The following FRS3 variants were observed in gnomAD, a reference collection of about 807,000 sequenced individuals.
The protein encoded by FRS3 is fibroblast growth factor receptor substrate 3.
FRS3 carries 17 observed loss-of-function variants against 41.9 expected under a neutral mutation model. The ratio of observed to expected loss-of-function variants is 0.41; its 90% CI spans 0.28 to 0.61. The LOEUF (loss-of-function observed/expected upper bound fraction) is 0.61, where lower values mean the gene tolerates loss of function less well. FRS3 is among the 20% of genes least tolerant of loss of function. The pLI is 0.36. For synonymous variants in FRS3, 287 were observed against 274.5 expected (o/e 1.05, Z -0.45); for missense variants, 619 against 672.1 (o/e 0.92, Z 0.87).
chr6:41,776,136 G>A (rs1772405561), intron 3 of FRS3, among the ~76,000 whole-genome samples: 1 of 152,188 alleles, frequency 6.6e-6, no homozygotes, highest in African/African-American at 2.4e-5. Context: ...GAGGAAGGAG[G>A]AGGCTCCCTC....
intron 2 of FRS3, among the ~76,000 whole-genome samples, 172 bp from the exon 3 acceptor site, chr6:41,777,182 T>C (rs559411874): frequency 6.6e-6 from 1 of 152,238 alleles, no homozygotes; most frequent in South Asian, 2.1e-4. Flanking sequence ...CAGACACACA[T>C]TGGATAAACG....
chr6:41,772,766 G>GTGTGTGTGTC lies in FRS3; in HGVS notation c.415+31_415+32insGACACACACA, dbSNP rs777217384. Reference sequence around the variant, plus strand: ...TGGGCGTGTGTGTGTGTGTGTGTGTGTGTGTGTGTGTGTACACTGGGGTCT... The same window carrying GTGTGTGTGTC: ...TGGGCGTGTGTGTGTGTGTGTGTGTGTGTGTGTGTCTGTGTGTGTGTGTACACTGGGGTCT... On this transcript the variant is annotated intron_variant, in intron 5 of 6. Transcript: ENST00000373018. 1.9e-6 allele frequency: 3 copies of GTGTGTGTGTC among 1,564,160 alleles called. No homozygotes were observed. The African/African-American group carries it at 4.0e-5, about 21-fold the overall frequency.
chr6:41,772,779 T>TGTGTGTGTGTGTGTGG lies in FRS3; in HGVS notation c.415+18_415+19insCCACACACACACACAC. The TGTGTGTGTGTGTGTGG allele has an allele frequency of 6.3e-7, 1 of 1,581,872 alleles. No homozygotes were observed. The highest frequency in any genetic ancestry group is 2.3e-5 in the East Asian group (1 of 44,330). The stretch of plus-strand genomic sequence containing the variant: ...GTGTGTGTGTGTGTGTGTGTGTGTG[T>TGTGTGTGTGTGTGTGG]ACACTGGGGTCTCCTCACCATTGGG... On this transcript the variant is annotated intron_variant, in intron 5 of 6. Transcript: ENST00000373018.
chr6:41,779,739 CTGCGGCGCGG>C (rs1182776157), intron 1 of FRS3, 67 bp downstream of exon 1: 2 of 22,994 alleles, frequency 8.7e-5, no homozygotes, highest in Non-Finnish European at 1.7e-4. Flanking sequence ...GGAGTGGAGA[CTGCGGCGCGG>C]CGCGGCGCGG....
intron 4 of FRS3, among the ~76,000 whole-genome samples, chr6:41,774,354 G>A (rs1001519293): frequency 1.3e-5 from 2 of 152,082 alleles, no homozygotes; most frequent in African/African-American, 2.4e-5. Flanking sequence ...CCCTCAGATC[G>A]CTGATGACAA....
chr6:41,773,138 T>A (rs902967376), intron 4 of FRS3, among the ~76,000 whole-genome samples, 179 bp from the exon 5 acceptor site: 3 of 152,166 alleles, frequency 2.0e-5, no homozygotes, highest in Non-Finnish European at 4.4e-5. Flanking sequence ...GTTTTGCTCT[T>A]GTTGCCCAGG....
rs371401692 is a variant in FRS3, at chr6:41,775,401, G to A, written c.253+18C>T. On this transcript the variant is annotated intron_variant, in intron 4 of 6. Coordinates refer to ENST00000373018, the MANE Select transcript of FRS3 (RefSeq NM_006653.5). ...GCATAAGCCCCTATCCCAGGGTGGA[G>A]CAGGGCCTGGTACTCACCCTGGCCT... 7.7e-5 allele frequency: 123 copies of A among 1,593,706 alleles called. No individual in the cohort carries two copies. Among genetic ancestry groups the A allele is most frequent in the East Asian group, 2.5e-4 (11 of 44,616 alleles).
In FRS3 at chr6:41,771,414, T is replaced by C. The variant is rs748007549; in HGVS notation, c.684A>G (p.Gln228=). ...GCTGCAAGAACACCTGTGGGTCCCG[T>C]TGGTCAGGTCCCCGGGCCTGCGGGA... ...PFLPQARGPD[Q]RDPQVFLQPG... Residue 228 remains glutamine (Q), a synonymous_variant, in exon 7 of 7, where the codon CAA becomes CAG. Coordinates refer to ENST00000373018, the MANE Select transcript of FRS3 (RefSeq NM_006653.5). 6 of 1,613,482 alleles carry C rather than the reference T, an allele frequency of 3.7e-6. No homozygotes were observed. The highest frequency in any genetic ancestry group is 1.1e-5 in the South Asian group (1 of 90,984).
chr6:41,776,667 C>A, intron 3 of FRS3: 2 of 431,502 alleles, frequency 4.6e-6, no homozygotes, highest in East Asian at 3.6e-5. Flanking sequence ...TAAAAATACA[C>A]TGACAACAGT....
At position 41,771,500 on chromosome 6, in the gene FRS3, C is replaced by T. The variant is rs751765291; in HGVS notation, c.598G>A (p.Asp200Asn). The T allele has an allele frequency of 6.4e-7, 1 of 1,558,714 alleles. No homozygotes were observed. Residue 200 changes from aspartate (D) to asparagine (N), a missense_variant, in exon 7 of 7, where the codon GAT becomes AAT. Around this residue, in one of 3 missense-constraint regions of FRS3, gnomAD observed 487 missense variants for 478.3 expected, o/e 1.02. Coordinates refer to ENST00000373018, the MANE Select transcript of FRS3 (RefSeq NM_006653.5). ...CAGTGGCGGCCCCTGCGGTGGTCATCTTCACTGGCCGGTGTGTTGACATAG... is the reference window on the plus strand; with the variant it reads ...CAGTGGCGGCCCCTGCGGTGGTCATTTTCACTGGCCGGTGTGTTGACATAG... The part of the protein sequence containing the change: ...HTYVNTPASE[D>N]DHRRGRHCLQ...
intron 4 of FRS3, among the ~76,000 whole-genome samples, chr6:41,773,511 A>G (rs1477223097): frequency 1.3e-5 from 2 of 152,134 alleles, no homozygotes; most frequent in Non-Finnish European, 2.9e-5. Context: ...CTCCAGCTAT[A>G]TTGCTCTGAA....
rs1331676404 is a variant in FRS3 at position 41,770,940 on chromosome 6, A to T, written c.1158T>A (p.Phe386Leu). The T allele has an allele frequency of 4.0e-5, 64 of 1,612,534 alleles. No individual in the cohort carries two copies. The highest frequency in any genetic ancestry group is 5.3e-5 in the Non-Finnish European group (62 of 1,179,954). ...TRAAIRSHGS[F>L]PVPLTRRRGS... Reference sequence around the variant, plus strand: ...CGCGGCGGCGGGTCAGTGGCACAGGAAAGCTGCCGTGGCTGCGGATGGCGG... The same window carrying T: ...CGCGGCGGCGGGTCAGTGGCACAGGTAAGCTGCCGTGGCTGCGGATGGCGG... Residue 386 changes from phenylalanine (F) to leucine (L), a missense_variant, in exon 7 of 7, where the codon TTT becomes TTA. This residue lies in a region of FRS3 where 487 missense variants were observed against 478.3 expected (regional missense o/e 1.02). Transcript: ENST00000373018.
rs201705767 is a variant in FRS3 at position 41,775,506 on chromosome 6, G to C, written c.166C>G (p.Arg56Gly). The change falls in exon 4 of 7, where the codon CGC becomes GGC. Residue 56 changes from arginine to glycine, a missense_variant. Physicochemically the swap from Arg to Gly is moderately radical, Grantham distance 125 (BLOSUM62 -2). Coordinates refer to ENST00000373018, the MANE Select transcript of FRS3 (RefSeq NM_006653.5). Reference protein sequence around the residue: ...VLHLHRREAVRWPYLCLRRYG... With the variant: ...VLHLHRREAVGWPYLCLRRYG... ...CGCCGCAAGCAGAGATAAGGCCAGCGGACGGCCTCACGCCGATGCAGGTGC... is the reference window on the plus strand; with the variant it reads ...CGCCGCAAGCAGAGATAAGGCCAGCCGACGGCCTCACGCCGATGCAGGTGC... The C allele has an allele frequency of 6.2e-7, 1 of 1,614,050 alleles. No individual in the cohort carries two copies. Among genetic ancestry groups the C allele is most frequent in the Non-Finnish European group, 8.5e-7 (1 of 1,180,010 alleles).
chr6:41,774,665 T>A (rs943337781), intron 4 of FRS3, among the ~76,000 whole-genome samples: 2 of 152,152 alleles, frequency 1.3e-5, no homozygotes, highest in Admixed American at 6.5e-5. Context: ...TGGGCCAGCA[T>A]GGACTCCTCT....
intron 2 of FRS3, chr6:41,777,477 CT>C: frequency 6.4e-6 from 1 of 156,010 alleles, no homozygotes; most frequent in Non-Finnish European, 1.4e-5. Flanking sequence ...TTTTTCCTCC[CT>C]TTTTACCTCA....
At position 41,772,779 on chromosome 6, in the gene FRS3, T is replaced by TGTGA; in HGVS notation, c.415+18_415+19insTCAC. On this transcript the variant is annotated intron_variant, in intron 5 of 6. Transcript: ENST00000373018. ...GTGTGTGTGTGTGTGTGTGTGTGTGTACACTGGGGTCTCCTCACCATTGGG... is the reference window on the plus strand; with the variant it reads ...GTGTGTGTGTGTGTGTGTGTGTGTGTGTGAACACTGGGGTCTCCTCACCATTGGG... 1.9e-6 allele frequency: 3 copies of TGTGA among 1,581,862 alleles called. No individual in the cohort carries two copies. The highest frequency in any genetic ancestry group is 2.6e-6 in the Non-Finnish European group (3 of 1,164,262).
At chr6:41,772,418 CT>C (rs1772318491) in intron 5 of FRS3, among the ~76,000 whole-genome samples, 2 of 152,286 alleles carry the variant, frequency 1.3e-5, no homozygotes, top group Admixed American at 1.3e-4. Flanking sequence ...TTGTAGGACC[CT>C]CTCCAGAATA....
In FRS3 at chr6:41,771,268, G is replaced by C; in HGVS notation, c.830C>G (p.Ser277Cys). 6.2e-7 allele frequency: 1 copy of C among 1,611,134 alleles called. No homozygotes were observed. Among genetic ancestry groups the C allele is most frequent in the African/African-American group, 1.3e-5 (1 of 74,986 alleles). ...PHHNNNNEAPSECPAQPKCTY... is the reference protein window; with the variant it reads ...PHHNNNNEAPCECPAQPKCTY... ...GCACTTGGGCTGGGCTGGACACTCA[G>C]AAGGGGCCTCATTGTTATTATTGTG... Residue 277 changes from serine to cysteine, a missense_variant, in exon 7 of 7, where the codon TCT becomes TGT. Coordinates refer to ENST00000373018, the MANE Select transcript of FRS3 (RefSeq NM_006653.5).
chr6:41,777,081 G>T, intron 2 of FRS3, 71 bp from the exon 3 acceptor site: 1 of 1,028,398 alleles, frequency 9.7e-7, no homozygotes, highest in Non-Finnish European at 1.5e-6. Context: ...GGGAACTTGG[G>T]CAGAAGCACG....
Sources: allele counts gnomAD v4.1 joint callset (sites outside exome capture counted in the v4.1 genomes callset), GRCh38; gene constraint gnomAD v4.1.1; regional missense constraint gnomAD v4.1.1; transcripts MANE v1.5; gene names NCBI Gene and HGNC (gene_info 2026-07-23, HGNC 2026-07-21).